Variants in CISTR observed in about 807,000 individuals in gnomAD.
CISTR encodes the protein chondrogenic regulator lncRNA.
At chr12:53,752,736 A>C (rs1425998036) in intron 1 of CISTR, among the ~76,000 whole-genome samples, 1 of 152,210 alleles carries the variant, frequency 6.6e-6, no homozygotes. Flanking sequence ...TAACAAATGC[A>C]CTAGGCTCTG....
chr12:53,751,412 C>G lies in CISTR; in HGVS notation n.415-447G>C, dbSNP rs989311336. Among the ~76,000 whole-genome samples, 1 of 152,226 alleles carries G rather than the reference C, an allele frequency of 6.6e-6. No individual in the cohort carries two copies. The highest frequency in any genetic ancestry group is 2.1e-4 in the South Asian group (1 of 4,834). ...TCCCCAGCCCTGTCGCCTCCCACCCCCCTTCCGGCCGCGGCAGTTTCCGAA... is the reference window on the plus strand; with the variant it reads ...TCCCCAGCCCTGTCGCCTCCCACCCGCCTTCCGGCCGCGGCAGTTTCCGAA... On this transcript the variant is annotated intron_variant and non_coding_transcript_variant, in intron 1 of 2. Coordinates refer to ENST00000669269, the Ensembl canonical transcript of CISTR. This position sits in a 1 kb window ranked among gnomAD's most constrained non-coding sequence, Gnocchi z 4.6.
chr12:53,755,757 C>T (rs567301458), intron 1 of CISTR: 13 of 152,622 alleles, frequency 8.5e-5, no homozygotes, highest in African/African-American at 2.9e-4. Context: ...GGCTGCACAC[C>T]ATTTCTCCTG....
chr12:53,749,551 T>C (rs1937822999), intron 2 of CISTR, among the ~76,000 whole-genome samples: 1 of 150,884 alleles, frequency 6.6e-6, no homozygotes, highest in South Asian at 2.1e-4. Flanking sequence ...CTTTCTTTCT[T>C]TTTTTTTAGG....
intron 2 of CISTR, among the ~76,000 whole-genome samples, chr12:53,747,941 A>G (rs1421175629): frequency 1.3e-5 from 2 of 152,010 alleles, no homozygotes; most frequent in African/African-American, 4.8e-5. Flanking sequence ...CCTTCCAGTA[A>G]AGCTCCTCCA....
intron 1 of CISTR, chr12:53,754,482 T>C (rs1331192736): frequency 6.6e-6 from 1 of 152,220 alleles, no homozygotes; most frequent in African/African-American, 2.4e-5. Context: ...ACTTGATTCC[T>C]GGCTACTTAC....
intron 1 of CISTR, chr12:53,754,548 C>G (rs1285770938): frequency 6.6e-6 from 1 of 152,200 alleles, no homozygotes; most frequent in Non-Finnish European, 1.5e-5. Flanking sequence ...ATTTTATTAT[C>G]TATAAAATGA....
chr12:53,747,707 G>A (rs1027116717), intron 2 of CISTR, among the ~76,000 whole-genome samples: 8 of 152,106 alleles, frequency 5.3e-5, no homozygotes, highest in African/African-American at 1.9e-4. Context: ...TAAAATAGGA[G>A]CTGACCATTT....
intron 2 of CISTR, among the ~76,000 whole-genome samples, chr12:53,749,782 G>A (rs1371555082): frequency 6.6e-6 from 1 of 151,838 alleles, no homozygotes; most frequent in Admixed American, 6.6e-5. Flanking sequence ...CAGCCTAAGT[G>A]TTAGCAATCA....
chr12:53,755,020 G>A (rs967076075), intron 1 of CISTR, among the ~76,000 whole-genome samples: 6 of 152,288 alleles, frequency 3.9e-5, no homozygotes, highest in Admixed American at 3.9e-4. Flanking sequence ...TAATGGACAC[G>A]AGGTGCAGAG....
At chr12:53,754,041 C>G (rs578244667) in intron 1 of CISTR, among the ~76,000 whole-genome samples, 10 of 152,108 alleles carry the variant, frequency 6.6e-5, no homozygotes, top group Admixed American at 4.6e-4. Flanking sequence ...GACATCTGCT[C>G]AGGCTATGAA....
rs1414045297 is a variant in CISTR at position 53,751,574 on chromosome 12, C to T, written n.415-609G>A. Among the ~76,000 whole-genome samples, 1 of 152,160 alleles carries T rather than the reference C, an allele frequency of 6.6e-6. No homozygotes were observed. The highest frequency in any genetic ancestry group is 1.5e-5 in the Non-Finnish European group (1 of 68,012). On this transcript the variant is annotated intron_variant and non_coding_transcript_variant, in intron 1 of 2. Transcript: ENST00000669269. This position sits in a 1 kb window ranked among gnomAD's most constrained non-coding sequence, Gnocchi z 4.6. The stretch of plus-strand genomic sequence containing the variant: ...CCTGGTGGGCCCTCAGCCTCCTCCG[C>T]GCGGCGCGGACTCATTACGGCTGCA...
chr12:53,753,194 T>C (rs1480511351), intron 1 of CISTR, among the ~76,000 whole-genome samples: 1 of 152,086 alleles, frequency 6.6e-6, no homozygotes, highest in Non-Finnish European at 1.5e-5. Flanking sequence ...CCCTCCTGAC[T>C]CCTAAGAAGC....
intron 2 of CISTR, among the ~76,000 whole-genome samples, chr12:53,749,358 A>T (rs1483343646): frequency 1.3e-5 from 2 of 151,240 alleles, no homozygotes; most frequent in Non-Finnish European, 2.9e-5. Context: ...TAACTGCAGG[A>T]GGGCGAGAGG....
intron 1 of CISTR, among the ~76,000 whole-genome samples, chr12:53,755,228 G>A (rs1343843333): frequency 4.6e-5 from 7 of 152,032 alleles, no homozygotes; most frequent in South Asian, 2.1e-4. Flanking sequence ...TTTGTCCCAC[G>A]ATGTGAGACA....
intron 2 of CISTR, among the ~76,000 whole-genome samples, chr12:53,747,028 A>G (rs920955711): frequency 2.0e-5 from 3 of 152,212 alleles, no homozygotes; most frequent in African/African-American, 7.2e-5. Flanking sequence ...GAAAGTGGAT[A>G]GTGGAGACAA....
At chr12:53,753,594 GAAGTGCATTATCTTGGGGT>G (rs1287072306) in intron 1 of CISTR, among the ~76,000 whole-genome samples, 1 of 152,132 alleles carries the variant, frequency 6.6e-6, no homozygotes, top group African/African-American at 2.4e-5. Flanking sequence ...AGCTCTCAGT[GAAGTGCATTATCTTGGGGT>G]AAGGGATGGC....
chr12:53,747,848 T>C (rs1252060669), intron 2 of CISTR, among the ~76,000 whole-genome samples: 2 of 152,112 alleles, frequency 1.3e-5, no homozygotes, highest in Non-Finnish European at 2.9e-5. Flanking sequence ...TGTTGCTCCA[T>C]GTGTGTCTGA....
At position 53,756,087 on chromosome 12, in the gene CISTR, C is replaced by T. The variant is rs1025788350; in HGVS notation, n.414+727G>A. On this transcript the variant is annotated intron_variant and non_coding_transcript_variant, in intron 1 of 2. Coordinates refer to ENST00000669269, the Ensembl canonical transcript of CISTR. This position sits in a 1 kb window ranked among gnomAD's most constrained non-coding sequence, Gnocchi z 4.0. ...GAACCAGGAGCTAGGGGATTTAAAG[C>T]GCAATTTCCTGTGGCCTTTTCATTT... Among the ~76,000 whole-genome samples, 6 of 152,256 alleles carry T rather than the reference C, an allele frequency of 3.9e-5. No homozygotes were observed. The highest frequency in any genetic ancestry group is 5.9e-5 in the Non-Finnish European group (4 of 68,022).
chr12:53,754,153 T>C (rs1404234908), intron 1 of CISTR, among the ~76,000 whole-genome samples: 1 of 152,158 alleles, frequency 6.6e-6, no homozygotes, highest in Non-Finnish European at 1.5e-5. Flanking sequence ...GAGACCTCTT[T>C]CCTGGCTATC....
Sources: gnomAD v4.1 joint callset for allele counts (sites outside exome capture counted in the v4.1 genomes callset) on GRCh38, gnomAD v4.1.1 for gene constraint, Gnocchi (gnomAD v3.1) non-coding constraint, MANE v1.5 for transcripts, NCBI Gene and HGNC (gene_info 2026-07-23, HGNC 2026-07-21) for gene names.